The following UTP4 variants were observed in gnomAD, a reference collection of about 807,000 sequenced individuals.
The protein encoded by UTP4 is UTP4 small subunit processome component, also known as U3 small nucleolar RNA-associated protein 4 homolog.
In UTP4, 45 loss-of-function variants were observed where a neutral mutation model predicts 82.4. The observed-to-expected ratio is 0.55, with a 90% CI of 0.43 to 0.70. The LOEUF (loss-of-function observed/expected upper bound fraction) is 0.70. Ranked by LOEUF, UTP4 falls within the 30% of genes least tolerant of loss-of-function variation. UTP4 has a pLI of 0.00. For missense variants in UTP4, 819 were observed against 858.3 expected, an observed-to-expected ratio of 0.95 and a Z score of 0.57; for synonymous variants, 348 against 300.3, an observed-to-expected ratio of 1.16 and a Z score of -1.64.
At position 69,160,479 on chromosome 16, in the gene UTP4, A is replaced by G. The variant is rs748714907; in HGVS notation, c.1551+17A>G. The G allele has an allele frequency of 1.3e-6, 2 of 1,589,186 alleles. No homozygotes were observed. The highest frequency in any genetic ancestry group is 1.1e-5 in the South Asian group (1 of 90,594). On this transcript the variant is annotated intron_variant, in intron 13 of 16. Transcript: ENST00000314423. Reference sequence around the variant, plus strand: ...CAGCTAAAGGTGAGCATAGGGTTTCATGGCAGCAGTTTGAATCATTGTACA... The same window carrying G: ...CAGCTAAAGGTGAGCATAGGGTTTCGTGGCAGCAGTTTGAATCATTGTACA...
chr16:69,164,162 G>A (rs995630430), intron 14 of UTP4, among the ~76,000 whole-genome samples: 5 of 152,062 alleles, frequency 3.3e-5, no homozygotes, highest in Admixed American at 2.6e-4. Flanking sequence ...GGGATTACAG[G>A]CTTGAGCCAC....
intron 2 of UTP4, among the ~76,000 whole-genome samples, chr16:69,136,352 G>T (rs777749273): frequency 6.6e-6 from 1 of 152,106 alleles, no homozygotes; most frequent in Non-Finnish European, 1.5e-5. Flanking sequence ...GTCAGCCTCC[G>T]TAGTAGCTGG....
chr16:69,161,052 A>G (rs1963551136), intron 13 of UTP4, among the ~76,000 whole-genome samples: 1 of 152,202 alleles, frequency 6.6e-6, no homozygotes, highest in South Asian at 2.1e-4. Context: ...TCTGTGGGTG[A>G]TGTAAACACA....
At chr16:69,167,402 A>T (rs2152284955) in intron 16 of UTP4, 1 of 552,360 alleles carries the variant, frequency 1.8e-6, no homozygotes, top group East Asian at 3.2e-5. Context: ...ACTTAACCAA[A>T]ATGAAATGCG....
intron 2 of UTP4, 141 bp from the exon 3 acceptor site, chr16:69,136,555 G>A: frequency 1.2e-6 from 1 of 813,124 alleles, no homozygotes. Context: ...AAATGAAAAT[G>A]TCATTAGGCA....
rs2288036 is a variant in UTP4, at chr16:69,143,365, C to T, written c.714C>T (p.Asp238=). Residue 238 remains aspartate, a synonymous_variant, in exon 6 of 17, where the codon GAC becomes GAT. Coordinates refer to ENST00000314423, the MANE Select transcript of UTP4 (RefSeq NM_032830.3). The stretch of plus-strand genomic sequence containing the variant: ...AGAGCCATCTCATCGCTAATGCTGA[C>T]GTGCAGTCCATTGCTGTAGCTGACG... ...LVKSHLIANA[D]VQSIAVADQE... is the part of the protein sequence containing the mutation. 86,012 of 1,613,940 alleles carry T rather than the reference C, an allele frequency of 0.053. 2,501 individuals are homozygous for T. Among genetic ancestry groups the T allele is most frequent in the South Asian group, 0.071 (6,454 of 91,074 alleles).
At position 69,160,962 on chromosome 16, in the gene UTP4, G is replaced by A. The variant is rs551332956; in HGVS notation, c.1551+500G>A. Among the ~76,000 whole-genome samples, 499 of 152,126 alleles carry A rather than the reference G, an allele frequency of 3.3e-3. 2 individuals are homozygous for A. The highest frequency in any genetic ancestry group is 5.4e-3 in the Non-Finnish European group (369 of 67,974). ...ATCCTGTTTTATTTTTATGGAACCC[G>A]GAAGCTATACTGTGTAACATTAAAA... On this transcript the variant is annotated intron_variant, in intron 13 of 16. Coordinates refer to ENST00000314423, the MANE Select transcript of UTP4 (RefSeq NM_032830.3).
At chr16:69,138,926 T>A (rs574818225) in intron 4 of UTP4, 18 of 152,096 alleles carry the variant, frequency 1.2e-4, no homozygotes, top group Admixed American at 1.2e-3. Context: ...CTAATCAGAT[T>A]CTTGCTTCGT....
intron 15 of UTP4, chr16:69,166,508 T>A (rs993029622): frequency 6.5e-6 from 1 of 153,780 alleles, no homozygotes; most frequent in Non-Finnish European, 1.4e-5. Flanking sequence ...ACAGTAGGCA[T>A]AGCTATTTCC....
rs142232469 is a variant in UTP4, at chr16:69,155,907, T to A, written c.1201T>A (p.Cys401Ser). ...ENIICSCISP[C>S]GSWIAYSTVS... ...CATTATCTGTAGCTGTATCTCCCCATGTGGAAGTTGGATAGCCTATTCTAC... is the reference window on the plus strand; with the variant it reads ...CATTATCTGTAGCTGTATCTCCCCAAGTGGAAGTTGGATAGCCTATTCTAC... Residue 401 changes from cysteine to serine, a missense_variant, in exon 11 of 17, where the codon TGT (cysteine) becomes AGT (serine). By Grantham distance (112) the Cys-to-Ser change is moderately radical (BLOSUM62 -1). Coordinates refer to ENST00000314423, the MANE Select transcript of UTP4 (RefSeq NM_032830.3). 6.2e-7 allele frequency: 1 copy of A among 1,614,042 alleles called. No individual in the cohort carries two copies.
intron 6 of UTP4, among the ~76,000 whole-genome samples, chr16:69,149,297 T>A (rs1042032122): frequency 2.0e-5 from 3 of 152,096 alleles, no homozygotes; most frequent in Non-Finnish European, 4.4e-5. Flanking sequence ...GAAGAATGGC[T>A]TGAACCAAGG....
chr16:69,157,516 C>G (rs1268096388), intron 12 of UTP4, among the ~76,000 whole-genome samples: 1 of 152,090 alleles, frequency 6.6e-6, no homozygotes, highest in East Asian at 1.9e-4. Flanking sequence ...GTTAGCAGAA[C>G]AAGAAGAAAG....
At chr16:69,165,868 A>G (rs1057267097) in intron 15 of UTP4, 1 of 419,968 alleles carries the variant, frequency 2.4e-6, no homozygotes, top group Non-Finnish European at 4.4e-6. Flanking sequence ...CGGAAGTATC[A>G]TTGATTTGGC....
At chr16:69,137,596 A>T (rs1350098955) in intron 3 of UTP4, among the ~76,000 whole-genome samples, 2 of 152,204 alleles carry the variant, frequency 1.3e-5, no homozygotes, top group East Asian at 3.8e-4. Flanking sequence ...TCTGTCTAGG[A>T]TATGAAGGCT....
intron 13 of UTP4, 76 bp downstream of exon 13, chr16:69,160,538 G>T (rs879163468): frequency 1.0e-6 from 1 of 999,320 alleles, no homozygotes; most frequent in Non-Finnish European, 1.6e-6. Context: ...CAAGATTCAA[G>T]GCAGATTGGC....
chr16:69,150,027 T>C (rs1963219165), intron 6 of UTP4, among the ~76,000 whole-genome samples: 1 of 152,208 alleles, frequency 6.6e-6, no homozygotes, highest in Admixed American at 6.5e-5. Context: ...CATGCCTGGC[T>C]GATGTTTCTT....
Position 69,160,351 on chromosome 16 carries a change from C to CA in UTP4, c.1445-4dup. On this transcript the variant is annotated splice_polypyrimidine_tract_variant and splice_region_variant and intron_variant, in intron 12 of 16. Transcript: ENST00000314423. ...TTCAGAGATGTAACTGTTTTGTCCT[C>CA]ACAGGAACAGTGGAGGCCATGTGTC... is the stretch of plus-strand genomic sequence containing the variant. 1 of 1,611,806 alleles carries CA rather than the reference C, an allele frequency of 6.2e-7. No homozygotes were observed. The highest frequency in any genetic ancestry group is 8.5e-7 in the Non-Finnish European group (1 of 1,177,852).
intron 13 of UTP4, among the ~76,000 whole-genome samples, chr16:69,161,845 A>G (rs1381563394): frequency 6.6e-6 from 1 of 151,346 alleles, no homozygotes. Flanking sequence ...TTTTTTTAGT[A>G]GAGATGAGGT....
intron 16 of UTP4, chr16:69,167,457 C>T (rs950762619): frequency 9.6e-6 from 4 of 415,078 alleles, no homozygotes; most frequent in Admixed American, 7.4e-5. Context: ...TCTTTGTTGT[C>T]ATGAGAGCTG....
Sources: gnomAD v4.1 joint callset for allele counts (sites outside exome capture counted in the v4.1 genomes callset) on GRCh38, gnomAD v4.1.1 for gene constraint, MANE v1.5 for transcripts, NCBI Gene and HGNC (gene_info 2026-07-23, HGNC 2026-07-21) for gene names.